Variants in ROBO2 observed in about 807,000 individuals in gnomAD.
The protein encoded by ROBO2 is roundabout guidance receptor 2.
A neutral mutation model predicts 160.8 loss-of-function variants in ROBO2; 53 were observed. The ratio of observed to expected loss-of-function variants is 0.33; its 90% CI spans 0.26 to 0.41. The LOEUF is 0.41. Among genes scored for constraint, ROBO2 ranks in the 10% least tolerant of loss-of-function variants. ROBO2 has a pLI of 1.00. For missense variants in ROBO2, 1,577 were observed against 1,722.4 expected (o/e 0.92, Z 1.49); for synonymous variants, 664 against 611.7 (o/e 1.09, Z -1.26).
intron 2 of ROBO2, among the ~76,000 whole-genome samples, chr3:77,449,969 A>G (rs1165237713): frequency 6.6e-6 from 1 of 152,092 alleles, no homozygotes; most frequent in African/African-American, 2.4e-5. Flanking sequence ...TGTCAATAGA[A>G]AATAAAATAA....
At chr3:76,543,436 T>A (rs1212904395) in intron 2 of ROBO2, among the ~76,000 whole-genome samples, 1 of 152,098 alleles carries the variant, frequency 6.6e-6, no homozygotes, top group East Asian at 1.9e-4. Flanking sequence ...AGCCTCACCA[T>A]TCATCCCAAA....
At chr3:76,684,307 T>C (rs2092638829) in intron 2 of ROBO2, among the ~76,000 whole-genome samples, 1 of 151,934 alleles carries the variant, frequency 6.6e-6, no homozygotes, top group African/African-American at 2.4e-5. Context: ...AGCTGTAAGG[T>C]GAAAAAAGTG....
chr3:77,472,173 G>A (rs1211869001), intron 2 of ROBO2, among the ~76,000 whole-genome samples: 1 of 152,096 alleles, frequency 6.6e-6, no homozygotes. Flanking sequence ...TCTTGGAAGT[G>A]GCATCCTACC....
intron 2 of ROBO2, among the ~76,000 whole-genome samples, chr3:76,179,204 C>A (rs1040135584): frequency 6.6e-6 from 1 of 152,040 alleles, no homozygotes; most frequent in Non-Finnish European, 1.5e-5. Flanking sequence ...AGTGGTGTGA[C>A]AGACACTGGG....
chr3:76,089,637 A>C (rs1363997240), intron 2 of ROBO2, among the ~76,000 whole-genome samples: 1 of 152,140 alleles, frequency 6.6e-6, no homozygotes, highest in Non-Finnish European at 1.5e-5. Context: ...ACACCCATTC[A>C]TGATAAATTC....
intron 2 of ROBO2, among the ~76,000 whole-genome samples, chr3:77,215,092 C>T (rs570536424): frequency 6.6e-6 from 1 of 151,964 alleles, no homozygotes; most frequent in East Asian, 1.9e-4. Context: ...ATCTTTGTGG[C>T]GTTCTCTGTA....
chr3:77,059,079 T>C (rs900552433), intron 1 of ROBO2, among the ~76,000 whole-genome samples: 1 of 152,174 alleles, frequency 6.6e-6, no homozygotes, highest in South Asian at 2.1e-4. Context: ...AAGAAAAATA[T>C]AGGGTGTCAT....
chr3:77,080,084 C>G (rs989523527), intron 1 of ROBO2, among the ~76,000 whole-genome samples: 3 of 152,152 alleles, frequency 2.0e-5, no homozygotes, highest in African/African-American at 7.2e-5. Context: ...TTACTTTCTT[C>G]CTGTATTTTT....
Position 77,504,960 on chromosome 3 carries a change from C to T in ROBO2, c.806+11578C>T, listed in dbSNP as rs142179655. ...AATAGCAATGGCTATTTCAAAAGAA[C>T]GAAGCAGGATGAAAAAGCTTTGGAA... On this transcript the variant is annotated intron_variant, in intron 5 of 25. Coordinates refer to ENST00000461745, the Ensembl canonical transcript of ROBO2. Among the ~76,000 whole-genome samples the T allele has an allele frequency of 2.6e-3, 392 of 152,240 alleles. 4 individuals carry two copies. The highest frequency in any genetic ancestry group is 8.5e-3 in the African/African-American group (353 of 41,534).
intron 2 of ROBO2, among the ~76,000 whole-genome samples, chr3:77,414,463 T>C (rs1032312371): frequency 1.3e-5 from 2 of 152,188 alleles, no homozygotes; most frequent in Non-Finnish European, 2.9e-5. Flanking sequence ...AGGTTTTGTT[T>C]TTAAAACAGG....
intron 2 of ROBO2, among the ~76,000 whole-genome samples, chr3:76,271,800 A>G (rs1707448168): frequency 1.3e-5 from 2 of 151,948 alleles, no homozygotes; most frequent in South Asian, 4.2e-4. Flanking sequence ...TATTCCATGA[A>G]GATGAACTAA....
intron 2 of ROBO2, among the ~76,000 whole-genome samples, chr3:76,857,615 TGTGATG>T (rs559078984): frequency 2.3e-4 from 35 of 152,328 alleles, no homozygotes; most frequent in African/African-American, 7.9e-4. Context: ...ACGTTTTTGC[TGTGATG>T]GTGATGGTGG....
chr3:77,041,187 C>T (rs921214714), intron 1 of ROBO2, among the ~76,000 whole-genome samples: 2 of 152,212 alleles, frequency 1.3e-5, no homozygotes, highest in Admixed American at 1.3e-4. Flanking sequence ...TGTGCCTGCT[C>T]TCTATTTGAT....
chr3:76,123,192 A>AAT (rs2070825100), intron 2 of ROBO2, among the ~76,000 whole-genome samples: 2 of 152,118 alleles, frequency 1.3e-5, no homozygotes, highest in South Asian at 4.1e-4. Context: ...TCATGGTGAA[A>AAT]ATATATTGTC....
In ROBO2 at chr3:77,563,224, C is replaced by G. The variant is rs2093382186; in HGVS notation, c.1577C>G (p.Ser526Cys). 8.7e-6 allele frequency: 14 copies of G among 1,613,418 alleles called. No homozygotes were observed. The highest frequency in any genetic ancestry group is 1.7e-5 in the Admixed American group (1 of 59,932). Residue 526 changes from serine (S) to cysteine (C), a missense_variant, in exon 11 of 26, where the codon TCC becomes TGC. Coordinates refer to ENST00000461745, the Ensembl canonical transcript of ROBO2. ...TTAAGTGACCTGCCAGGGCCACCAT[C>G]CAAACCGCAGGTCACTGATGTTACT...
At chr3:77,645,954 A>G (rs1332127136) in intron 25 of ROBO2, 100 bp from the exon 28 acceptor site, 1 of 781,004 alleles carries the variant, frequency 1.3e-6, no homozygotes, top group East Asian at 2.7e-5. Context: ...TGAAGACCTT[A>G]TTTTCATTGA....
intron 2 of ROBO2, among the ~76,000 whole-genome samples, chr3:77,247,724 G>A (rs965753983): frequency 6.6e-6 from 1 of 152,136 alleles, no homozygotes; most frequent in Non-Finnish European, 1.5e-5. Flanking sequence ...TATCATTCTT[G>A]CGGACCATTT....
At chr3:77,194,050 T>TTG (rs1242083805) in intron 2 of ROBO2, among the ~76,000 whole-genome samples, 1 of 152,202 alleles carries the variant, frequency 6.6e-6, no homozygotes, top group Non-Finnish European at 1.5e-5. Context: ...AAGTAACATG[T>TTG]TGTGTGAGAT....
At chr3:77,324,649 G>GGC (rs1182867676) in intron 2 of ROBO2, among the ~76,000 whole-genome samples, 2 of 123,366 alleles carry the variant, frequency 1.6e-5, no homozygotes, top group African/African-American at 7.8e-5. Context: ...GTGCAGTGGT[G>GGC]AGCGCCTGTA....
Sources: allele counts gnomAD v4.1 joint callset (sites outside exome capture counted in the v4.1 genomes callset), GRCh38; gene constraint gnomAD v4.1.1; transcripts MANE v1.5; gene names NCBI Gene and HGNC (gene_info 2026-07-23, HGNC 2026-07-21).